The following UGT1A10 variants were observed in gnomAD, a reference collection of about 807,000 sequenced individuals.
UGT1A10 encodes the protein UDP-glucuronosyltransferase 1A10.
In UGT1A10, 49 loss-of-function variants were observed where a neutral mutation model predicts 45.8. The observed-to-expected ratio is 1.07, with a 90% CI of 0.85 to 1.36. The LOEUF (loss-of-function observed/expected upper bound fraction) is 1.36, where lower values mean the gene tolerates loss of function less well. UGT1A10 is among the 40% of genes most tolerant of loss of function. The pLI is 0.00. For synonymous variants in UGT1A10, 284 were observed against 249.7 expected, an observed-to-expected ratio of 1.14 and a Z score of -1.29; for missense variants, 745 against 668.6, an observed-to-expected ratio of 1.11 and a Z score of -1.26.
chr2:233,639,673 C>T (rs1252461274), intron 1 of UGT1A10, among the ~76,000 whole-genome samples: 2 of 152,034 alleles, frequency 1.3e-5, no homozygotes, highest in Non-Finnish European at 2.9e-5. Flanking sequence ...TTGAAGATCT[C>T]CTGTAACAAA....
At chr2:233,728,759 G>C (rs2077748525) in intron 1 of UGT1A10, among the ~76,000 whole-genome samples, 1 of 152,198 alleles carries the variant, frequency 6.6e-6, no homozygotes, top group Admixed American at 6.5e-5. Flanking sequence ...TGACTCCTCA[G>C]ACCTCAGCTG....
At chr2:233,722,847 T>TATGAAGACACTACTTAAAAAA (rs1484611213) in intron 1 of UGT1A10, among the ~76,000 whole-genome samples, 1 of 139,226 alleles carries the variant, frequency 7.2e-6, no homozygotes, top group Non-Finnish European at 1.5e-5. Context: ...GAATGTTTCT[T>TATGAAGACACTACTTAAAAAA]TTTTTTTTTT....
chr2:233,647,937 T>A, intron 1 of UGT1A10: 1 of 1,605,246 alleles, frequency 6.2e-7, no homozygotes, highest in Non-Finnish European at 8.5e-7. Flanking sequence ...TGCCCATGGA[T>A]GGGAGCCACT....
chr2:233,690,288 G>C (rs916343579), intron 1 of UGT1A10, among the ~76,000 whole-genome samples: 5 of 152,148 alleles, frequency 3.3e-5, no homozygotes, highest in Non-Finnish European at 5.9e-5. Context: ...AAATCTTGCA[G>C]GTGGGTCCTG....
intron 1 of UGT1A10, chr2:233,748,079 G>C: frequency 6.2e-7 from 1 of 1,613,192 alleles, no homozygotes; most frequent in Non-Finnish European, 8.5e-7. Context: ...CACTATCTCA[G>C]GTCGGTGTTC....
chr2:233,685,645 C>T (rs2074748193), intron 1 of UGT1A10, among the ~76,000 whole-genome samples: 1 of 152,174 alleles, frequency 6.6e-6, no homozygotes, highest in Admixed American at 6.5e-5. Flanking sequence ...CGAACATATA[C>T]CAAGGAGAGG....
intron 1 of UGT1A10, among the ~76,000 whole-genome samples, chr2:233,642,949 GAC>G (rs1270529596): frequency 6.6e-6 from 1 of 152,108 alleles, no homozygotes; most frequent in African/African-American, 2.4e-5. Flanking sequence ...GGGGTGGAGT[GAC>G]ACAAGCATCC....
At chr2:233,660,318 C>T (rs2602374) in intron 1 of UGT1A10, among the ~76,000 whole-genome samples, 32,751 of 152,014 alleles carry the variant, frequency 0.22, 4,364 homozygotes, top group South Asian at 0.38. Context: ...GCCTTGTAAC[C>T]CCTTGTTCTA....
chr2:233,761,087 C>T, intron 1 of UGT1A10: 1 of 1,614,136 alleles, frequency 6.2e-7, no homozygotes. Context: ...TACCCTAGGC[C>T]CATCATGCCC....
chr2:233,680,607 T>C (rs571428085), intron 1 of UGT1A10, among the ~76,000 whole-genome samples: 3 of 152,274 alleles, frequency 2.0e-5, no homozygotes, highest in East Asian at 1.9e-4. Context: ...ATCTGCATGA[T>C]GGAATTCAGC....
At chr2:233,724,298 C>T (rs1308100434) in intron 1 of UGT1A10, among the ~76,000 whole-genome samples, 3 of 143,234 alleles carry the variant, frequency 2.1e-5, no homozygotes, top group African/African-American at 7.8e-5. Flanking sequence ...CTGACCCCCC[C>T]ACCTCCCTCC....
intron 1 of UGT1A10, among the ~76,000 whole-genome samples, chr2:233,700,167 G>A (rs961586449): frequency 6.6e-6 from 1 of 152,190 alleles, no homozygotes; most frequent in African/African-American, 2.4e-5. Context: ...TACAAGGAAT[G>A]CTCATTCAGG....
chr2:233,690,018 T>C (rs1667000994), intron 1 of UGT1A10: 1 of 438,514 alleles, frequency 2.3e-6, no homozygotes. Context: ...ATTTTGGACC[T>C]TCCTCAAGAT....
intron 1 of UGT1A10, among the ~76,000 whole-genome samples, chr2:233,685,285 C>G (rs4338954): frequency 0.39 from 59,193 of 151,952 alleles, 11,730 homozygotes; most frequent in South Asian, 0.45. Flanking sequence ...CGCCCGCCTC[C>G]GCCTTTCAAA....
chr2:233,648,543 C>T (rs1398879937), intron 1 of UGT1A10: 4 of 170,714 alleles, frequency 2.3e-5, no homozygotes, highest in African/African-American at 4.8e-5. Context: ...TCACTGCAAA[C>T]TGCACCTCCC....
At chr2:233,715,946 TTGACTGAC>T (rs1026670441) in intron 1 of UGT1A10, among the ~76,000 whole-genome samples, 1 of 152,220 alleles carries the variant, frequency 6.6e-6, no homozygotes, top group African/African-American at 2.4e-5. Flanking sequence ...TTGTGGTTTG[TTGACTGAC>T]TGACTGATTG....
chr2:233,762,781 ATCTAC>A (rs1211615114), intron 1 of UGT1A10, among the ~76,000 whole-genome samples: 2 of 150,458 alleles, frequency 1.3e-5, no homozygotes, highest in African/African-American at 4.9e-5. Flanking sequence ...CTAGCTGATT[ATCTAC>A]TCATTACTCA....
In UGT1A10 at chr2:233,773,103, T is replaced by A. The variant is rs1559421928; in HGVS notation, c.*544T>A. ...CTTGGAGTGCACTGAGAACAGCATATGATTTCTTGCTTTGGGGAAAAAGAA... is the reference window on the plus strand; with the variant it reads ...CTTGGAGTGCACTGAGAACAGCATAAGATTTCTTGCTTTGGGGAAAAAGAA... On this transcript the variant is annotated 3_prime_UTR_variant, in exon 5 of 5. Transcript: ENST00000344644. The A allele has an allele frequency of 6.4e-6, 1 of 156,320 alleles. No individual in the cohort carries two copies. Among genetic ancestry groups the A allele is most frequent in the Non-Finnish European group, 1.4e-5 (1 of 70,266 alleles). 9.7% of individuals were successfully genotyped at this position (156,320 alleles called of 1,614,324 possible).
intron 1 of UGT1A10, chr2:233,693,404 GA>G: frequency 1.2e-6 from 2 of 1,614,158 alleles, no homozygotes; most frequent in Non-Finnish European, 1.7e-6. Flanking sequence ...GCAGGACAGG[GA>G]CACCCTGAAC....
Sources: gnomAD v4.1 joint callset for allele counts (sites outside exome capture counted in the v4.1 genomes callset) on GRCh38, gnomAD v4.1.1 for gene constraint, MANE v1.5 for transcripts, NCBI Gene and HGNC (gene_info 2026-07-23, HGNC 2026-07-21) for gene names.